The following LAPTM4A variants were observed in gnomAD, a reference collection of about 807,000 sequenced individuals.
LAPTM4A encodes lysosomal-associated transmembrane protein 4A.
LAPTM4A carries 19 observed loss-of-function variants against 29.9 expected under a neutral mutation model. That is an observed-to-expected ratio of 0.64 (90% confidence interval 0.44 to 0.93). LAPTM4A has a LOEUF of 0.93. LAPTM4A is among the 40% of genes least tolerant of loss of function. The pLI is 0.00. For missense variants in LAPTM4A, 293 were observed against 288.5 expected, an observed-to-expected ratio of 1.02 and a Z score of -0.11; for synonymous variants, 105 against 102.1, an observed-to-expected ratio of 1.03 and a Z score of -0.17.
At chr2:20,038,024 T>A (rs1200903918) in intron 2 of LAPTM4A, among the ~76,000 whole-genome samples, 1 of 152,122 alleles carries the variant, frequency 6.6e-6, no homozygotes, top group African/African-American at 2.4e-5. Flanking sequence ...GGAAAAAATA[T>A]GAAGAAATGA....
chr2:20,045,609 A>G (rs968082588), intron 1 of LAPTM4A, among the ~76,000 whole-genome samples: 5 of 152,212 alleles, frequency 3.3e-5, no homozygotes, highest in African/African-American at 7.2e-5. Context: ...CAGTCAAATC[A>G]GGTGGTGTGC....
chr2:20,048,929 T>C (rs1227919182), intron 1 of LAPTM4A, among the ~76,000 whole-genome samples: 12 of 152,208 alleles, frequency 7.9e-5, no homozygotes, highest in Non-Finnish European at 1.6e-4. Flanking sequence ...CCCAAGTTGG[T>C]AGAGACTGTC....
At chr2:20,037,046 C>T (rs189704032) in intron 4 of LAPTM4A, among the ~76,000 whole-genome samples, 3 of 152,282 alleles carry the variant, frequency 2.0e-5, no homozygotes, top group Admixed American at 2.0e-4. Flanking sequence ...CCTTTGGATG[C>T]TCAAAAACAA....
intron 2 of LAPTM4A, among the ~76,000 whole-genome samples, chr2:20,039,200 A>T (rs182098168): frequency 6.6e-6 from 1 of 152,340 alleles, no homozygotes; most frequent in Admixed American, 6.5e-5. Context: ...TACAGGCATG[A>T]GCCACCATGC....
chr2:20,047,735 G>A (rs982009639), intron 1 of LAPTM4A, among the ~76,000 whole-genome samples: 20 of 148,156 alleles, frequency 1.3e-4, no homozygotes, highest in Non-Finnish European at 2.4e-4. Context: ...ACGAAAACAT[G>A]TGAGCTAACC....
At chr2:20,045,567 A>G (rs1673900263) in intron 1 of LAPTM4A, among the ~76,000 whole-genome samples, 1 of 152,140 alleles carries the variant, frequency 6.6e-6, no homozygotes. Flanking sequence ...CGGATTCACC[A>G]CTCAATGTGT....
intron 1 of LAPTM4A, among the ~76,000 whole-genome samples, chr2:20,050,921 C>T (rs1674051752): frequency 6.6e-6 from 1 of 152,236 alleles, no homozygotes; most frequent in Non-Finnish European, 1.5e-5. Context: ...CGGGTTACCG[C>T]TGGATCTTTC....
At chr2:20,033,479 G>A (rs1364164985) in intron 6 of LAPTM4A, among the ~76,000 whole-genome samples, 200 bp from the exon 7 acceptor site, 2 of 152,056 alleles carry the variant, frequency 1.3e-5, no homozygotes, top group African/African-American at 4.8e-5. Context: ...GAAGGGGAGG[G>A]TGGAGAGAGG....
chr2:20,046,732 TATATATAAA>T, intron 1 of LAPTM4A, among the ~76,000 whole-genome samples: 1 of 135,470 alleles, frequency 7.4e-6, no homozygotes, highest in South Asian at 2.6e-4. Context: ...ATTATATATC[TATATATAAA>T]TATATATTAT....
intron 1 of LAPTM4A, among the ~76,000 whole-genome samples, chr2:20,047,286 G>T (rs529357879): frequency 1.3e-5 from 2 of 151,630 alleles, no homozygotes; most frequent in South Asian, 4.2e-4. Flanking sequence ...TATTTGGGAG[G>T]CTGGGGCAGA....
At chr2:20,049,508 T>C (rs929633813) in intron 1 of LAPTM4A, among the ~76,000 whole-genome samples, 1 of 152,202 alleles carries the variant, frequency 6.6e-6, no homozygotes, top group Non-Finnish European at 1.5e-5. Flanking sequence ...TAAGCGCCCG[T>C]AATGAAGTTT....
intron 1 of LAPTM4A, among the ~76,000 whole-genome samples, chr2:20,051,001 T>A (rs1674053029): frequency 6.6e-6 from 1 of 152,138 alleles, no homozygotes; most frequent in African/African-American, 2.4e-5. Context: ...AATTATTTCA[T>A]TAGAGGAAAA....
chr2:20,045,640 C>T (rs924234108), intron 1 of LAPTM4A, among the ~76,000 whole-genome samples: 6 of 152,164 alleles, frequency 3.9e-5, no homozygotes, highest in Admixed American at 1.3e-4. Context: ...AAAGCTTCTA[C>T]ATCTTATGTA....
intron 1 of LAPTM4A, 78 bp from the exon 2 acceptor site, chr2:20,041,089 C>G (rs111278175): frequency 2.2e-6 from 3 of 1,392,368 alleles, no homozygotes; most frequent in African/African-American, 2.8e-5. Context: ...GATGTCCTCT[C>G]ATATTTAAGA....
chr2:20,039,065 C>T (rs576535261), intron 2 of LAPTM4A, among the ~76,000 whole-genome samples: 6 of 152,144 alleles, frequency 3.9e-5, no homozygotes, highest in Admixed American at 2.0e-4. Context: ...TGCAGGCCTG[C>T]GCCACCAAGC....
intron 2 of LAPTM4A, among the ~76,000 whole-genome samples, chr2:20,038,582 C>T (rs1673730395): frequency 6.6e-6 from 1 of 152,034 alleles, no homozygotes; most frequent in Admixed American, 6.5e-5. Flanking sequence ...AGCACCACCA[C>T]ATCCAGCTAA....
Position 20,051,570 on chromosome 2 carries a change from A to G in LAPTM4A, c.-50T>C. 4 of 1,203,914 alleles carry G rather than the reference A, an allele frequency of 3.3e-6. No homozygotes were observed. Among genetic ancestry groups the G allele is most frequent in the Non-Finnish European group, 4.7e-6 (4 of 844,592 alleles). The allele number at this position is 1,203,914 out of a possible 1,614,324, so 74.6% of individuals were successfully genotyped here. A position where few individuals can be genotyped will look rare whatever the true frequency, so the allele number is the denominator to read the frequency against. On this transcript the variant is annotated 5_prime_UTR_variant, in exon 1 of 7. Coordinates refer to ENST00000175091, the MANE Select transcript of LAPTM4A (RefSeq NM_014713.5). ...GCCGGGCCCCTGACAAACGTTCTCC[A>G]CCCGCAGCCAAACTCAAACGGCTGT...
chr2:20,050,230 C>T (rs1674023643), intron 1 of LAPTM4A, among the ~76,000 whole-genome samples: 1 of 152,128 alleles, frequency 6.6e-6, no homozygotes, highest in South Asian at 2.1e-4. Flanking sequence ...GGTAGTCCCC[C>T]GGGGGTGGGC....
chr2:20,037,427 A>G lies in LAPTM4A; in HGVS notation c.321T>C (p.Gly107=), dbSNP rs1204451458. ...LVYGAISYQV[G]WLIPFFCYRL... is the part of the protein sequence containing the mutation. ...GGTAACAGAAGAATGGAATCAGCCA[A>G]CCCACTTGATACTGGAGAAAAAATA... Residue 107 remains glycine, a synonymous_variant, in exon 4 of 7, where the codon GGT becomes GGC. Coordinates refer to ENST00000175091, the MANE Select transcript of LAPTM4A (RefSeq NM_014713.5). 3 of 1,610,824 alleles carry G rather than the reference A, an allele frequency of 1.9e-6. No homozygotes were observed. In the African/African-American group the frequency reaches 4.0e-5, roughly 22 times the overall value.
Sources: allele counts gnomAD v4.1 joint callset (sites outside exome capture counted in the v4.1 genomes callset), GRCh38; gene constraint gnomAD v4.1.1; transcripts MANE v1.5; gene names NCBI Gene and HGNC (gene_info 2026-07-23, HGNC 2026-07-21).